The following CNOT6 variants were observed in gnomAD, a reference collection of about 807,000 sequenced individuals.
CNOT6 encodes CCR4-NOT transcription complex subunit 6.
Under a neutral mutation model 61.2 loss-of-function variants are expected in CNOT6, and 12 were observed. The observed-to-expected ratio is 0.20, with a 90% CI of 0.13 to 0.32. The LOEUF (loss-of-function observed/expected upper bound fraction) is 0.32. Ranked by LOEUF, CNOT6 falls within the 10% of genes least tolerant of loss-of-function variation. CNOT6 has a pLI of 1.00. For missense variants in CNOT6, 405 were observed against 663.9 expected (o/e 0.61, Z 4.28); for synonymous variants, 225 against 240.6 (o/e 0.94, Z 0.60).
At chr5:180,501,366 TGATTTAACTTGGGAAACAGAAGAACA>T (rs1237063304) in intron 1 of CNOT6, among the ~76,000 whole-genome samples, 1 of 152,170 alleles carries the variant, frequency 6.6e-6, no homozygotes, top group Non-Finnish European at 1.5e-5. Context: ...ACTGTTGGTA[TGATTTAACTTGGGAAACAGAAGAACA>T]GATTTGGACG....
rs749072933 is a variant in CNOT6, at chr5:180,573,999, C to T, written c.1473C>T (p.Asp491=). The T allele has an allele frequency of 6.2e-7, 1 of 1,610,462 alleles. No homozygotes were observed. The highest frequency in any genetic ancestry group is 2.2e-5 in the East Asian group (1 of 44,840). ...CTGTTGTTTTTCAGGGTATAATAGA[C>T]TACATTTTCTATTCTAAACCTCAGC... The part of the protein sequence containing the change: ...NYTFDFKGII[D]YIFYSKPQLN... The change falls in exon 12 of 12, where the codon GAC becomes GAT. Residue 491 remains aspartate, a synonymous_variant. Coordinates refer to ENST00000261951, the MANE Select transcript of CNOT6 (RefSeq NM_001370472.1).
chr5:180,533,651 G>A lies in CNOT6; in HGVS notation c.112+4263G>A, dbSNP rs140490597. Among the ~76,000 whole-genome samples, 1,353 of 152,240 alleles carry A rather than the reference G, an allele frequency of 8.9e-3. 19 individuals are homozygous for A. Among genetic ancestry groups the A allele is most frequent in the South Asian group, 0.076 (365 of 4,818 alleles). On this transcript the variant is annotated intron_variant, in intron 2 of 11. Transcript: ENST00000261951. The stretch of plus-strand genomic sequence containing the variant: ...GCTGGTCTTGAGCTCCTGGCCTCAA[G>A]CAGTCCTCCCGCGTTAGCCTCCCAA...
At chr5:180,572,505 T>G (rs993265710) in intron 11 of CNOT6, among the ~76,000 whole-genome samples, 1 of 151,870 alleles carries the variant, frequency 6.6e-6, no homozygotes, top group Non-Finnish European at 1.5e-5. Flanking sequence ...TACACCATTT[T>G]TAACGTTAGT....
Position 180,569,454 on chromosome 5 carries a change from C to A in CNOT6, c.1258+114C>A, listed in dbSNP as rs183280345. On this transcript the variant is annotated intron_variant, in intron 10 of 11. Transcript: ENST00000261951. ...CAAATAAAAATTCAGTTTGTAATGG[C>A]AGCTATGAGCAGGTTTTAAACATCA... 105 of 796,718 alleles carry A rather than the reference C, an allele frequency of 1.3e-4. No individual in the cohort carries two copies. The African/African-American group carries it at 1.7e-3, about 13-fold the overall frequency. The allele number at this position is 796,718 out of a possible 1,614,324, so 49.4% of individuals were successfully genotyped here. A position where few individuals can be genotyped will look rare whatever the true frequency, so the allele number is the denominator to read the frequency against.
At chr5:180,554,389 G>T (rs1286262899) in intron 4 of CNOT6, among the ~76,000 whole-genome samples, 4 of 146,884 alleles carry the variant, frequency 2.7e-5, no homozygotes, top group Non-Finnish European at 4.4e-5. Context: ...TTGCACTCCA[G>T]CCTGGGTGAC....
intron 1 of CNOT6, among the ~76,000 whole-genome samples, chr5:180,495,220 C>T (rs1161643236): frequency 2.6e-5 from 4 of 152,366 alleles, no homozygotes; most frequent in Non-Finnish European, 5.9e-5. Context: ...ACTGCTTACC[C>T]CCTCCCCTAA....
intron 7 of CNOT6, among the ~76,000 whole-genome samples, chr5:180,566,430 G>A (rs1760460507): frequency 1.3e-5 from 2 of 152,124 alleles, no homozygotes; most frequent in South Asian, 4.1e-4. Flanking sequence ...TTCTGCCCAA[G>A]GGTCTGAAGT....
intron 1 of CNOT6, among the ~76,000 whole-genome samples, chr5:180,511,818 C>T (rs1207167414): frequency 6.6e-6 from 1 of 151,974 alleles, no homozygotes. Flanking sequence ...GACAGGTTCT[C>T]TCTCTGTTGC....
rs754128047 is a variant in CNOT6 at position 180,565,945 on chromosome 5, T to G, written c.685T>G (p.Leu229Val). 6.2e-7 allele frequency: 1 copy of G among 1,613,870 alleles called. No individual in the cohort carries two copies. The highest frequency in any genetic ancestry group is 1.3e-5 in the African/African-American group (1 of 74,924). The change falls in exon 7 of 12, where the codon TTG becomes GTG. Residue 229 changes from leucine (L) to valine (V), a missense_variant. Physicochemically the swap from Leu to Val is conservative, Grantham distance 32. Transcript: ENST00000261951. The part of the protein sequence containing the change: ...YRKKAIIQEI[L>V]SCNADIVSLQ... Reference sequence around the variant, plus strand: ...GAAAAAGGCCATTATTCAAGAAATCTTGAGCTGCAATGCTGATATCGTAAG... The same window carrying G: ...GAAAAAGGCCATTATTCAAGAAATCGTGAGCTGCAATGCTGATATCGTAAG...
intron 1 of CNOT6, among the ~76,000 whole-genome samples, chr5:180,500,437 TTTTC>T (rs1180990504): frequency 2.2e-3 from 17 of 7,618 alleles, no homozygotes; most frequent in South Asian, 0.021. Flanking sequence ...TTTTCTTTTC[TTTTC>T]TTTTTTTTTT....
intron 1 of CNOT6, among the ~76,000 whole-genome samples, chr5:180,512,157 A>C (rs752793136): frequency 2.6e-4 from 39 of 152,254 alleles, no homozygotes; most frequent in South Asian, 1.2e-3. Context: ...AATACTCAGC[A>C]AAACTTCATT....
At chr5:180,533,584 A>T (rs1758512937) in intron 2 of CNOT6, among the ~76,000 whole-genome samples, 1 of 151,284 alleles carries the variant, frequency 6.6e-6, no homozygotes, top group Non-Finnish European at 1.5e-5. Context: ...CTAACATTTT[A>T]AAAATTTTCC....
chr5:180,501,983 G>A (rs867078470), intron 1 of CNOT6, among the ~76,000 whole-genome samples: 1 of 152,048 alleles, frequency 6.6e-6, no homozygotes, highest in Non-Finnish European at 1.5e-5. Flanking sequence ...TAGATTGGGC[G>A]GAGGAGCAAA....
At chr5:180,533,663 C>T (rs879357736) in intron 2 of CNOT6, among the ~76,000 whole-genome samples, 10 of 152,136 alleles carry the variant, frequency 6.6e-5, no homozygotes, top group Non-Finnish European at 1.3e-4. Flanking sequence ...AGTCCTCCCG[C>T]GTTAGCCTCC....
At chr5:180,529,053 A>G (rs1400134612) in intron 1 of CNOT6, among the ~76,000 whole-genome samples, 1 of 152,118 alleles carries the variant, frequency 6.6e-6, no homozygotes, top group Non-Finnish European at 1.5e-5. Flanking sequence ...TATTAAAAAT[A>G]CAAAAATGAG....
intron 3 of CNOT6, among the ~76,000 whole-genome samples, chr5:180,551,750 T>A (rs942026872): frequency 6.6e-6 from 1 of 152,134 alleles, no homozygotes; most frequent in Admixed American, 6.5e-5. Flanking sequence ...TTTTGAAAGG[T>A]CTTTGCCTCT....
intron 1 of CNOT6, among the ~76,000 whole-genome samples, chr5:180,499,198 G>GT (rs1325564659): frequency 6.6e-6 from 1 of 152,200 alleles, no homozygotes; most frequent in African/African-American, 2.4e-5. Context: ...TAAAATCAAA[G>GT]TGTCAGTATG....
At chr5:180,548,935 C>T (rs1245490895) in intron 2 of CNOT6, among the ~76,000 whole-genome samples, 1 of 152,196 alleles carries the variant, frequency 6.6e-6, no homozygotes, top group African/African-American at 2.4e-5. Flanking sequence ...AAACCATTGA[C>T]AATTTATCAA....
In CNOT6 at chr5:180,574,323, GATT is replaced by G. The variant is rs2127771051; in HGVS notation, c.*127_*129del. 2.5e-6 allele frequency: 2 copies of G among 788,090 alleles called. No homozygotes were observed. Among genetic ancestry groups the G allele is most frequent in the East Asian group, 2.6e-5 (1 of 38,286 alleles). 48.8% of individuals were successfully genotyped at this position (788,090 alleles called of 1,614,324 possible). On this transcript the variant is annotated 3_prime_UTR_variant, in exon 12 of 12. Transcript: ENST00000261951. ...TAAGAATGATTTGGACTTTCAATCTGATTATTTGATAAGGATATAGTATGAAAG... is the reference window on the plus strand; with the variant it reads ...TAAGAATGATTTGGACTTTCAATCTGATTTGATAAGGATATAGTATGAAAG...
Sources: gnomAD v4.1 joint callset for allele counts (sites outside exome capture counted in the v4.1 genomes callset) on GRCh38, gnomAD v4.1.1 for gene constraint, MANE v1.5 for transcripts, NCBI Gene and HGNC (gene_info 2026-07-23, HGNC 2026-07-21) for gene names.